Variants in PDE10A observed in about 807,000 individuals in gnomAD.
The protein encoded by PDE10A is cAMP and cAMP-inhibited cGMP 3',5'-cyclic phosphodiesterase 10A.
Under a neutral mutation model 97.7 loss-of-function variants are expected in PDE10A, and 39 were observed. The ratio of observed to expected loss-of-function variants is 0.40; its 90% CI spans 0.31 to 0.52. The LOEUF is 0.52. PDE10A is among the 20% of genes least tolerant of loss of function. PDE10A has a pLI of 0.56. For missense variants in PDE10A, 731 were observed against 1,047.8 expected (o/e 0.70, Z 4.17); for synonymous variants, 371 against 376.8 (o/e 0.98, Z 0.18).
At chr6:165,493,088 A>G (rs1780320793) in intron 2 of PDE10A, among the ~76,000 whole-genome samples, 1 of 152,106 alleles carries the variant, frequency 6.6e-6, no homozygotes, top group African/African-American at 2.4e-5. Context: ...CTTTTATAAT[A>G]GCTGCAAAAA....
intron 1 of PDE10A, among the ~76,000 whole-genome samples, chr6:165,927,966 G>A (rs973783103): frequency 8.0e-5 from 12 of 150,444 alleles, no homozygotes; most frequent in African/African-American, 2.9e-4. Flanking sequence ...CAAAGTGATG[G>A]GATTACAGGC....
chr6:165,715,239 G>A (rs1435175242), intron 1 of PDE10A, among the ~76,000 whole-genome samples: 1 of 152,202 alleles, frequency 6.6e-6, no homozygotes, highest in East Asian at 1.9e-4. Context: ...GGGACATACA[G>A]GTGACACACA....
chr6:165,878,247 T>C (rs1269975384), intron 1 of PDE10A, among the ~76,000 whole-genome samples: 2 of 152,228 alleles, frequency 1.3e-5, no homozygotes, highest in Admixed American at 1.3e-4. Context: ...TAGCTTAGAT[T>C]TCTATATCTT....
chr6:165,943,890 A>G (rs778192410), intron 1 of PDE10A, among the ~76,000 whole-genome samples: 1 of 152,232 alleles, frequency 6.6e-6, no homozygotes, highest in Non-Finnish European at 1.5e-5. Context: ...AACATGAGCT[A>G]CAGCCCTTCC....
chr6:165,494,211 C>T (rs2128290001), intron 2 of PDE10A, among the ~76,000 whole-genome samples: 1 of 152,208 alleles, frequency 6.6e-6, no homozygotes, highest in South Asian at 2.1e-4. Flanking sequence ...TACTCTTACA[C>T]TGTTGGTGGC....
chr6:165,610,863 A>T (rs1011798345), intron 1 of PDE10A, among the ~76,000 whole-genome samples: 1 of 152,118 alleles, frequency 6.6e-6, no homozygotes, highest in Non-Finnish European at 1.5e-5. Flanking sequence ...CCTGTCCTTA[A>T]ATTCCCATGT....
intron 1 of PDE10A, among the ~76,000 whole-genome samples, chr6:165,573,276 GTTT>G (rs11288936): frequency 2.1e-5 from 3 of 142,584 alleles, no homozygotes; most frequent in Non-Finnish European, 4.6e-5. Context: ...TGATGTCTGG[GTTT>G]TTTTTTTTTT....
At chr6:165,926,826 C>A (rs961617862) in intron 1 of PDE10A, among the ~76,000 whole-genome samples, 4 of 152,176 alleles carry the variant, frequency 2.6e-5, no homozygotes, top group Non-Finnish European at 4.4e-5. Flanking sequence ...AGATGTTGTA[C>A]TTTACATCAA....
At chr6:165,365,436 C>T (rs915164835) in intron 18 of PDE10A, among the ~76,000 whole-genome samples, 25 of 152,228 alleles carry the variant, frequency 1.6e-4, no homozygotes, top group South Asian at 1.5e-3. Flanking sequence ...TGGCTCATAC[C>T]TGTAATCCCA....
At chr6:165,427,819 AGAG>A (rs1044469950) in intron 10 of PDE10A, among the ~76,000 whole-genome samples, 1 of 152,140 alleles carries the variant, frequency 6.6e-6, no homozygotes, top group Admixed American at 6.5e-5. Context: ...TTTCATAACA[AGAG>A]AAGTTATTTT....
chr6:165,453,141 T>G (rs1777737727), intron 3 of PDE10A, among the ~76,000 whole-genome samples: 1 of 152,154 alleles, frequency 6.6e-6, no homozygotes, highest in African/African-American at 2.4e-5. Context: ...GGCAATGAAC[T>G]CAAGTATCTG....
chr6:165,920,372 C>A (rs2128488214), intron 1 of PDE10A, among the ~76,000 whole-genome samples: 1 of 152,276 alleles, frequency 6.6e-6, no homozygotes, highest in South Asian at 2.1e-4. Flanking sequence ...CTCCTTCTTT[C>A]AAAAATTTAA....
At position 165,709,571 on chromosome 6, in the gene PDE10A, C is replaced by A. The variant is rs138224309; in HGVS notation, c.-614-166003G>T. Among the ~76,000 whole-genome samples the A allele has an allele frequency of 3.6e-3, 273 of 75,136 alleles. 10 individuals are homozygous for A. Among genetic ancestry groups the A allele is most frequent in the African/African-American group, 0.014 (250 of 17,924 alleles). 49.3% of individuals were successfully genotyped at this position (75,136 alleles called of 152,430 possible). ...CACTCTCTATCCCCATGCAGCCGCG[C>A]TATCCCCCACACTCTCCACCTCCAT... On this transcript the variant is annotated intron_variant, in intron 1 of 19. Coordinates refer to the PDE10A transcript ENST00000366882.
intron 1 of PDE10A, among the ~76,000 whole-genome samples, chr6:165,742,084 CAT>C (rs1792740215): frequency 6.6e-6 from 1 of 152,160 alleles, no homozygotes; most frequent in Non-Finnish European, 1.5e-5. Context: ...ACTCTATATG[CAT>C]CATCTCATTT....
chr6:165,358,087 A>C (rs1458183612), intron 18 of PDE10A, among the ~76,000 whole-genome samples: 2 of 152,104 alleles, frequency 1.3e-5, no homozygotes, highest in Non-Finnish European at 2.9e-5. Flanking sequence ...GTTATTTAGA[A>C]GTATACTGTT....
intron 1 of PDE10A, among the ~76,000 whole-genome samples, chr6:165,888,123 A>G (rs1365853985): frequency 6.6e-6 from 1 of 151,982 alleles, no homozygotes; most frequent in Non-Finnish European, 1.5e-5. Context: ...ACACCTTCTT[A>G]CAGTCTTGGC....
At chr6:165,747,377 C>G (rs1030335504) in intron 1 of PDE10A, among the ~76,000 whole-genome samples, 7 of 152,134 alleles carry the variant, frequency 4.6e-5, no homozygotes, top group Admixed American at 2.6e-4. Flanking sequence ...TGGTATGGGG[C>G]ACACTCCATG....
At chr6:165,707,104 G>A (rs1162603915) in intron 1 of PDE10A, among the ~76,000 whole-genome samples, 1 of 152,200 alleles carries the variant, frequency 6.6e-6, no homozygotes, top group Non-Finnish European at 1.5e-5. Context: ...CAAAATTATG[G>A]AAATTCCTGG....
chr6:165,933,359 T>C (rs891341753), intron 1 of PDE10A, among the ~76,000 whole-genome samples: 1 of 152,208 alleles, frequency 6.6e-6, no homozygotes, highest in African/African-American at 2.4e-5. Flanking sequence ...GCACCTTGCC[T>C]GGTAGCTAGC....
Sources: gnomAD v4.1 joint callset for allele counts (sites outside exome capture counted in the v4.1 genomes callset) on GRCh38, gnomAD v4.1.1 for gene constraint, MANE v1.5 for transcripts, NCBI Gene and HGNC (gene_info 2026-07-23, HGNC 2026-07-21) for gene names.